GNG7: variants seen among roughly 807,000 people sequenced by gnomAD.
GNG7 encodes the protein guanine nucleotide-binding protein G(I)/G(S)/G(O) subunit gamma-7.
In GNG7, 1 loss-of-function variant was observed where a neutral mutation model predicts 4.0. That is an observed-to-expected ratio of 0.25 (90% CI 0.09 to 1.18). The LOEUF (loss-of-function observed/expected upper bound fraction) is 1.18, where lower values mean the gene tolerates loss of function less well. Ranked by LOEUF, GNG7 falls within the 50% of genes most tolerant of loss-of-function variation. GNG7 has a pLI of 0.50. For missense variants in GNG7, 86 were observed against 91.9 expected (o/e 0.94, Z 0.26); for synonymous variants, 34 against 36.9 (o/e 0.92, Z 0.29).
Position 2,603,951 on chromosome 19 carries a change from C to T in GNG7, c.-78+42273G>A, listed in dbSNP as rs567496606. Among the ~76,000 whole-genome samples the T allele has an allele frequency of 7.6e-4, 115 of 151,912 alleles. 3 individuals are homozygous for T. Among genetic ancestry groups the T allele is most frequent in the South Asian group, 2.9e-3 (14 of 4,810 alleles). On this transcript the variant is annotated intron_variant, in intron 2 of 4. Transcript: ENST00000382159. ...CTGCAAGCTCTGCCTCCTGGGTTCA[C>T]GCCATTCTCCTGCCTCAGCCTCCTG... is the stretch of plus-strand genomic sequence containing the variant.
intron 2 of GNG7, among the ~76,000 whole-genome samples, chr19:2,607,857 C>T (rs903402753): frequency 6.6e-6 from 1 of 152,016 alleles, no homozygotes; most frequent in East Asian, 1.9e-4. Context: ...CGACACGGCA[C>T]GGAGGCTTTC....
Position 2,583,233 on chromosome 19 carries a change from G to A in GNG7, c.-77-28045C>T, listed in dbSNP as rs1980554569. ...TGTTCTTGAAAGCAAATCTCCCTCT[G>A]GAAAACTGTCCTAAGGATATTTTTC... On this transcript the variant is annotated intron_variant, in intron 2 of 4. Transcript: ENST00000382159. 3.9e-5 allele frequency among the ~76,000 whole-genome samples: 6 copies of A among 152,098 alleles called. No homozygotes were observed. The South Asian group carries it at 1.2e-3, about 32-fold the overall frequency.
At chr19:2,621,696 AAAAC>A (rs78958083) in intron 2 of GNG7, among the ~76,000 whole-genome samples, 104 of 151,686 alleles carry the variant, frequency 6.9e-4, no homozygotes, top group East Asian at 4.3e-3. Context: ...GACCTCATCT[AAAAC>A]AAACAAACAA....
chr19:2,552,851 AC>A (rs1056889387), intron 3 of GNG7, among the ~76,000 whole-genome samples: 3 of 114,692 alleles, frequency 2.6e-5, no homozygotes, highest in Non-Finnish European at 5.8e-5. Flanking sequence ...TCCCGGCTCC[AC>A]CCCCCCCACC....
At chr19:2,696,265 A>G (rs2144915139) in intron 1 of GNG7, among the ~76,000 whole-genome samples, 1 of 148,100 alleles carries the variant, frequency 6.8e-6, no homozygotes, top group East Asian at 2.0e-4. Flanking sequence ...AGAAAGAAAG[A>G]GAAGGAGAGA....
At chr19:2,539,186 C>T (rs1294368026) in intron 3 of GNG7, among the ~76,000 whole-genome samples, 1 of 152,170 alleles carries the variant, frequency 6.6e-6, no homozygotes, top group African/African-American at 2.4e-5. Flanking sequence ...GAACTATAAA[C>T]TGCGTTGCAA....
chr19:2,676,064 G>C (rs28592949), intron 1 of GNG7, among the ~76,000 whole-genome samples: 1 of 152,186 alleles, frequency 6.6e-6, no homozygotes, highest in Non-Finnish European at 1.5e-5. Context: ...GGCCGTGTGA[G>C]GATGGAGGCA....
At chr19:2,613,950 C>A (rs887227788) in intron 2 of GNG7, among the ~76,000 whole-genome samples, 2 of 152,240 alleles carry the variant, frequency 1.3e-5, no homozygotes, top group African/African-American at 4.8e-5. Context: ...CAGACAGAAG[C>A]TCGCAGCCTA....
chr19:2,651,969 G>A (rs949735547), intron 1 of GNG7, among the ~76,000 whole-genome samples: 4 of 151,882 alleles, frequency 2.6e-5, no homozygotes, highest in Non-Finnish European at 4.4e-5. Flanking sequence ...GAGGTCAGGA[G>A]TTCAAGACCA....
intron 3 of GNG7, among the ~76,000 whole-genome samples, chr19:2,523,735 C>T (rs940136071): frequency 6.6e-6 from 1 of 152,128 alleles, no homozygotes; most frequent in Non-Finnish European, 1.5e-5. Context: ...CAAATGTTAC[C>T]ACCAGGGACG....
At chr19:2,581,441 C>CT in intron 2 of GNG7, among the ~76,000 whole-genome samples, 1 of 152,158 alleles carries the variant, frequency 6.6e-6, no homozygotes, top group East Asian at 1.9e-4. Flanking sequence ...AGTTCCCAAA[C>CT]CACAGGGGGG....
At chr19:2,568,443 CACAT>C (rs1385894407) in intron 2 of GNG7, among the ~76,000 whole-genome samples, 7 of 103,742 alleles carry the variant, frequency 6.7e-5, no homozygotes, top group Admixed American at 1.1e-4. Flanking sequence ...TATACATACA[CACAT>C]ACATATACAT....
chr19:2,521,641 T>G (rs1182917082), intron 3 of GNG7, among the ~76,000 whole-genome samples: 1 of 101,016 alleles, frequency 9.9e-6, no homozygotes, highest in Non-Finnish European at 1.8e-5. Flanking sequence ...TGAGACAGAG[T>G]CTTGCTCTGT....
At chr19:2,685,613 A>T (rs1346895589) in intron 1 of GNG7, among the ~76,000 whole-genome samples, 1 of 152,178 alleles carries the variant, frequency 6.6e-6, no homozygotes, top group Non-Finnish European at 1.5e-5. Context: ...TGACAGAGGG[A>T]GACCCTGTCT....
chr19:2,566,102 G>A (rs1013824675), intron 2 of GNG7, among the ~76,000 whole-genome samples: 4 of 152,016 alleles, frequency 2.6e-5, no homozygotes, highest in African/African-American at 9.7e-5. Context: ...AGGTGGCAGT[G>A]AGCCAAAATC....
At chr19:2,698,986 T>A (rs1334379820) in intron 1 of GNG7, among the ~76,000 whole-genome samples, 4 of 152,184 alleles carry the variant, frequency 2.6e-5, no homozygotes, top group African/African-American at 9.7e-5. Context: ...CCTGCAGAAT[T>A]TGAGCTTCGT....
chr19:2,567,085 C>T (rs1167251531), intron 2 of GNG7, among the ~76,000 whole-genome samples: 1 of 148,246 alleles, frequency 6.7e-6, no homozygotes, highest in Non-Finnish European at 1.5e-5. Context: ...ACAGTCCGGC[C>T]TGGGCGACAG....
intron 2 of GNG7, among the ~76,000 whole-genome samples, chr19:2,570,404 G>C (rs368301296): frequency 6.6e-6 from 1 of 152,132 alleles, no homozygotes; most frequent in Non-Finnish European, 1.5e-5. Context: ...AGTCAGGCAC[G>C]GGGAGACACG....
At chr19:2,612,881 G>A (rs889394713) in intron 2 of GNG7, among the ~76,000 whole-genome samples, 11 of 151,714 alleles carry the variant, frequency 7.3e-5, no homozygotes, top group Admixed American at 5.3e-4. Flanking sequence ...TAGTAGAGAC[G>A]GGTTTTCACC....
Sources: gnomAD v4.1 joint callset for allele counts (sites outside exome capture counted in the v4.1 genomes callset) on GRCh38, gnomAD v4.1.1 for gene constraint, MANE v1.5 for transcripts, NCBI Gene and HGNC (gene_info 2026-07-23, HGNC 2026-07-21) for gene names.